TMEM52B: variants seen among roughly 807,000 people sequenced by gnomAD.
The protein encoded by TMEM52B is transmembrane protein 52B.
A neutral mutation model predicts 16.1 loss-of-function variants in TMEM52B; 11 were observed. The observed-to-expected ratio is 0.68, with a 90% CI of 0.43 to 1.13. TMEM52B has a LOEUF of 1.13. TMEM52B is among the 50% of genes most tolerant of loss of function. TMEM52B has a pLI of 0.00. For missense variants in TMEM52B, 243 were observed against 230.4 expected, an observed-to-expected ratio of 1.05 and a Z score of -0.35; for synonymous variants, 101 against 93.8, an observed-to-expected ratio of 1.08 and a Z score of -0.45.
chr12:10,180,474 A>C (rs970488826), intron 1 of TMEM52B, among the ~76,000 whole-genome samples: 1 of 152,190 alleles, frequency 6.6e-6, no homozygotes, highest in African/African-American at 2.4e-5. Context: ...TTTAGTGAAG[A>C]AAGTGAAAGA....
intron 2 of TMEM52B, among the ~76,000 whole-genome samples, chr12:10,184,716 C>G (rs1948860850): frequency 6.6e-6 from 1 of 152,060 alleles, no homozygotes; most frequent in Admixed American, 6.6e-5. Context: ...GACTTTCATA[C>G]TCATAACTGA....
At position 10,189,924 on chromosome 12, in the gene TMEM52B, T is replaced by G; in HGVS notation, c.336T>G (p.Ala112=). The change falls in exon 5 of 5, where the codon GCT becomes GCG. Residue 112 remains alanine, a synonymous_variant. Coordinates refer to ENST00000543484, the MANE Select transcript of TMEM52B (RefSeq NM_001384896.1). ...TGCAGTCGGTGTTTGGCCCTGCAGC[T>G]CGGAGGATCCTGGCTGTGGCTCACT... ...TSLQSVFGPA[A]RRILAVAHSH... The G allele has an allele frequency of 6.2e-7, 1 of 1,614,062 alleles. No individual in the cohort carries two copies. Among genetic ancestry groups the G allele is most frequent in the Non-Finnish European group, 8.5e-7 (1 of 1,180,036 alleles).
chr12:10,179,759 A>G (rs2130008), intron 1 of TMEM52B, 131 bp downstream of exon 1: 47,656 of 1,005,482 alleles, frequency 0.047, 1,552 homozygotes, highest in African/African-American at 0.13. Flanking sequence ...AGGGAAATGA[A>G]TAAACTACAA....
In TMEM52B at chr12:10,179,587, G is replaced by C. The variant is rs913533143; in HGVS notation, c.13G>C (p.Val5Leu). 29 of 1,614,100 alleles carry C rather than the reference G, an allele frequency of 1.8e-5. No homozygotes were observed. The highest frequency in any genetic ancestry group is 2.5e-5 in the Non-Finnish European group (29 of 1,180,046). Residue 5 changes from valine (V) to leucine (L), a missense_variant, in exon 1 of 5, where the codon GTT becomes CTT. Coordinates refer to ENST00000543484, the MANE Select transcript of TMEM52B (RefSeq NM_001384896.1). Reference protein sequence around the residue: MGVRVHVVAASALLY... With the variant: MGVRLHVVAASALLY... Reference sequence around the variant, plus strand: ...GGAATTCAGCCCGATGGGAGTCCGAGTTCATGTCGTGGCGGCCTCAGCCCT... The same window carrying C: ...GGAATTCAGCCCGATGGGAGTCCGACTTCATGTCGTGGCGGCCTCAGCCCT...
At chr12:10,181,192 T>A (rs1018864572) in intron 1 of TMEM52B, among the ~76,000 whole-genome samples, 23 of 152,048 alleles carry the variant, frequency 1.5e-4, no homozygotes, top group African/African-American at 5.6e-4. Context: ...TTGTTTTCTG[T>A]AAAGGGAGTA....
At chr12:10,173,751 C>T (rs1241909093) in intron 1 of TMEM52B, among the ~76,000 whole-genome samples, 3 of 138,334 alleles carry the variant, frequency 2.2e-5, no homozygotes, top group South Asian at 2.3e-4. Context: ...GGCAACAGAG[C>T]GAGACTCCCT....
At chr12:10,177,295 T>G (rs1172891599), upstream of TMEM52B, among the ~76,000 whole-genome samples, 2 of 152,188 alleles carry the variant, frequency 1.3e-5, no homozygotes, top group Non-Finnish European at 1.5e-5. Flanking sequence ...GTCTTGAAAC[T>G]GACAGATTTT....
At chr12:10,172,087 C>A (rs373714577) in intron 1 of TMEM52B, 1 of 1,609,888 alleles carries the variant, frequency 6.2e-7, no homozygotes, top group Non-Finnish European at 8.5e-7. Context: ...TTTCCAAATT[C>A]AAGCTAAGAA....
rs1027609683 is a variant in TMEM52B, at chr12:10,187,097, C to T, written c.307+508C>T. Among the ~76,000 whole-genome samples, 14 of 66,394 alleles carry T rather than the reference C, an allele frequency of 2.1e-4. No homozygotes were observed. The East Asian group carries it at 2.6e-3, about 12-fold the overall frequency. 43.6% of individuals were successfully genotyped at this position (66,394 alleles called of 152,430 possible). ...TTCTGTGGTTCTATTCTTTCCATGA[C>T]GGTTTTTTTTTTTTTTTTTTTTTGA... On this transcript the variant is annotated intron_variant, in intron 4 of 4. Coordinates refer to ENST00000543484, the MANE Select transcript of TMEM52B (RefSeq NM_001384896.1).
chr12:10,188,798 C>T (rs1011701302), intron 4 of TMEM52B, among the ~76,000 whole-genome samples: 5 of 151,590 alleles, frequency 3.3e-5, no homozygotes, highest in Admixed American at 1.3e-4. Flanking sequence ...GCGGGTGGAT[C>T]ACAAGGTCAG....
upstream of TMEM52B, among the ~76,000 whole-genome samples, chr12:10,177,100 G>A (rs938704025): frequency 6.6e-6 from 1 of 152,156 alleles, no homozygotes; most frequent in Non-Finnish European, 1.5e-5. Context: ...GAATGGGAAC[G>A]TTAAGGACTG....
chr12:10,171,506 C>T (rs1304512813), intron 1 of TMEM52B, among the ~76,000 whole-genome samples: 1 of 152,190 alleles, frequency 6.6e-6, no homozygotes, highest in Non-Finnish European at 1.5e-5. Context: ...TGAGGTACTT[C>T]AGGTTTTTGT....
At chr12:10,186,181 A>C (rs973043715) in intron 3 of TMEM52B, among the ~76,000 whole-genome samples, 1 of 152,198 alleles carries the variant, frequency 6.6e-6, no homozygotes, top group African/African-American at 2.4e-5. Flanking sequence ...GCAGCCCCCC[A>C]AACTACCTTA....
chr12:10,178,766 T>C (rs372566001), upstream of TMEM52B, among the ~76,000 whole-genome samples: 2 of 152,176 alleles, frequency 1.3e-5, no homozygotes, highest in East Asian at 1.9e-4. Context: ...CAGTTATCTA[T>C]TTCAATGGGA....
chr12:10,186,928 A>G (rs1425751586), intron 4 of TMEM52B, among the ~76,000 whole-genome samples: 1 of 152,152 alleles, frequency 6.6e-6, no homozygotes, highest in African/African-American at 2.4e-5. Flanking sequence ...ATTTTGTGAA[A>G]TCTACTTTTT....
At chr12:10,174,048 T>TTTTGTTTG (rs35635554), upstream of TMEM52B, among the ~76,000 whole-genome samples, 377 of 150,512 alleles carry the variant, frequency 2.5e-3, no homozygotes, top group African/African-American at 4.3e-3. Context: ...ATTTCATGTG[T>TTTTGTTTG]TTTGTTTGTT....
rs2137569194 is a variant in TMEM52B, at chr12:10,191,600, C to G, written c.*1460C>G. On this transcript the variant is annotated 3_prime_UTR_variant, in exon 5 of 5. Transcript: ENST00000543484. ...AAGGTTTTTGTGAAGATCAAAGAAG[C>G]TAAATATATGTGGCATGATTTGTAA... The G allele has an allele frequency of 6.6e-6, 1 of 152,226 alleles. No homozygotes were observed. The highest frequency in any genetic ancestry group is 2.1e-4 in the South Asian group (1 of 4,820). The allele number at this position is 152,226 out of a possible 1,614,324, so 9.4% of individuals were successfully genotyped here. A position where few individuals can be genotyped will look rare whatever the true frequency, so the allele number is the denominator to read the frequency against.
rs769655936 is a variant in TMEM52B at position 10,189,918 on chromosome 12, T to C, written c.330T>C (p.Pro110=). The C allele has an allele frequency of 7.4e-6, 12 of 1,614,030 alleles. No homozygotes were observed. Among genetic ancestry groups the C allele is most frequent in the South Asian group, 1.1e-5 (1 of 91,078 alleles). Residue 110 remains proline (P), a synonymous_variant, in exon 5 of 5, where the codon CCT becomes CCC. Transcript: ENST00000543484. ...CAGCTCTGCAGTCGGTGTTTGGCCCTGCAGCTCGGAGGATCCTGGCTGTGG... is the reference window on the plus strand; with the variant it reads ...CAGCTCTGCAGTCGGTGTTTGGCCCCGCAGCTCGGAGGATCCTGGCTGTGG... ...TITSLQSVFG[P]AARRILAVAH...
intron 1 of TMEM52B, chr12:10,172,295 T>A (rs1948729654): frequency 2.1e-6 from 1 of 474,674 alleles, no homozygotes; most frequent in Admixed American, 3.5e-5. Flanking sequence ...AAAGTGGTGA[T>A]TCTGAAGGTG....
Sources: gnomAD v4.1 joint callset for allele counts (sites outside exome capture counted in the v4.1 genomes callset) on GRCh38, gnomAD v4.1.1 for gene constraint, MANE v1.5 for transcripts, NCBI Gene and HGNC (gene_info 2026-07-23, HGNC 2026-07-21) for gene names.